The following ASRGL1 variants were observed in gnomAD, a reference collection of about 807,000 sequenced individuals.
The protein encoded by ASRGL1 is asparaginase and isoaspartyl peptidase 1.
Under a neutral mutation model 22.4 loss-of-function variants are expected in ASRGL1, and 16 were observed. The ratio of observed to expected loss-of-function variants is 0.71; its 90% CI spans 0.48 to 1.08. The LOEUF is 1.08. Ranked by LOEUF, ASRGL1 falls within the 50% of genes least tolerant of loss-of-function variation. ASRGL1 has a pLI of 0.00. For missense variants in ASRGL1, 412 were observed against 410.1 expected, an observed-to-expected ratio of 1.00 and a Z score of -0.04; for synonymous variants, 165 against 159.3, an observed-to-expected ratio of 1.04 and a Z score of -0.27.
chr11:62,384,359 G>T (rs902960856), intron 4 of ASRGL1, among the ~76,000 whole-genome samples: 4 of 152,022 alleles, frequency 2.6e-5, no homozygotes, highest in Non-Finnish European at 4.4e-5. Flanking sequence ...AGAAAAATTA[G>T]CTGGGTGTGG....
intron 4 of ASRGL1, chr11:62,381,721 C>G (rs1947072677): frequency 6.6e-6 from 1 of 152,066 alleles, no homozygotes; most frequent in South Asian, 2.1e-4. Flanking sequence ...CTCTAACTCC[C>G]CCCTTTTTAA....
Position 62,389,172 on chromosome 11 carries a change from A to G in ASRGL1, c.531A>G (p.Lys177=). 6.2e-7 allele frequency: 1 copy of G among 1,614,026 alleles called. No individual in the cohort carries two copies. The highest frequency in any genetic ancestry group is 8.5e-7 in the Non-Finnish European group (1 of 1,179,972). Reference sequence around the variant, plus strand: ...TGGGTGCTGTTGCCTTGGACTGCAAAGGGAATGTAGCCTACGCAACCTCCA... The same window carrying G: ...TGGGTGCTGTTGCCTTGGACTGCAAGGGGAATGTAGCCTACGCAACCTCCA... ...GTVGAVALDC[K]GNVAYATSTG... is the part of the protein sequence containing the mutation. Residue 177 remains lysine, a synonymous_variant, in exon 5 of 7, where the codon AAA becomes AAG. Coordinates refer to ENST00000415229, the MANE Select transcript of ASRGL1 (RefSeq NM_001083926.2).
At chr11:62,350,019 G>A (rs1946132660) in intron 2 of ASRGL1, among the ~76,000 whole-genome samples, 2 of 152,226 alleles carry the variant, frequency 1.3e-5, no homozygotes, top group East Asian at 1.9e-4. Flanking sequence ...TGTTTTATCA[G>A]CAAGGTCTTT....
chr11:62,367,198 C>T (rs1946632474), intron 4 of ASRGL1, among the ~76,000 whole-genome samples: 1 of 151,894 alleles, frequency 6.6e-6, no homozygotes, highest in African/African-American at 2.4e-5. Flanking sequence ...ATTAGCCGGG[C>T]ATGGTGGTAG....
chr11:62,368,157 A>G (rs1296943207), intron 4 of ASRGL1, among the ~76,000 whole-genome samples: 1 of 152,138 alleles, frequency 6.6e-6, no homozygotes, highest in Non-Finnish European at 1.5e-5. Flanking sequence ...TTACTACAGT[A>G]TATTGTTTTA....
rs148412584 is a variant in ASRGL1, at chr11:62,338,997, C to T, written c.190+830C>T. On this transcript the variant is annotated intron_variant, in intron 2 of 6. Transcript: ENST00000415229. ...GCATTAAGATAAGAGGTTGAGGAGA[C>T]CAAGATTTCCCTTAGGCAGAGGAAG... Among the ~76,000 whole-genome samples the T allele has an allele frequency of 6.0e-5, 9 of 149,974 alleles. No individual in the cohort carries two copies. The East Asian group carries it at 1.4e-3, about 23-fold the overall frequency.
chr11:62,341,030 T>A (rs952518419), intron 2 of ASRGL1, among the ~76,000 whole-genome samples: 12 of 152,194 alleles, frequency 7.9e-5, no homozygotes, highest in African/African-American at 2.9e-4. Context: ...CTGTAAAGAC[T>A]GAACTTTTAA....
At chr11:62,345,458 A>C (rs558929431) in intron 2 of ASRGL1, among the ~76,000 whole-genome samples, 1 of 152,076 alleles carries the variant, frequency 6.6e-6, no homozygotes, top group Non-Finnish European at 1.5e-5. Context: ...TAGGGGAGAC[A>C]AGGTTTCACC....
At chr11:62,366,943 G>T (rs183881713) in intron 4 of ASRGL1, among the ~76,000 whole-genome samples, 113 of 152,272 alleles carry the variant, frequency 7.4e-4, no homozygotes, top group East Asian at 7.3e-3. Flanking sequence ...GGTGCCTCAC[G>T]CCTGTAATCC....
At chr11:62,386,145 G>C (rs1041237442) in intron 4 of ASRGL1, among the ~76,000 whole-genome samples, 1 of 152,192 alleles carries the variant, frequency 6.6e-6, no homozygotes, top group Admixed American at 6.5e-5. Context: ...CTGGGCAACA[G>C]AGTGAGACTC....
chr11:62,351,392 G>A (rs1325098162), intron 2 of ASRGL1, among the ~76,000 whole-genome samples: 6 of 152,140 alleles, frequency 3.9e-5, no homozygotes, highest in Non-Finnish European at 7.3e-5. Flanking sequence ...GCTCAAGCAT[G>A]TAATCCCAGC....
intron 4 of ASRGL1, among the ~76,000 whole-genome samples, chr11:62,378,746 C>T (rs1398509000): frequency 3.3e-5 from 5 of 152,074 alleles, no homozygotes; most frequent in Non-Finnish European, 7.3e-5. Flanking sequence ...TCAATATGTC[C>T]CTTTTCTAAT....
At chr11:62,362,454 A>AAATATATATATATATTATAT (rs1340877607) in intron 4 of ASRGL1, among the ~76,000 whole-genome samples, 1 of 120,610 alleles carries the variant, frequency 8.3e-6, no homozygotes, top group South Asian at 2.4e-4. Flanking sequence ...AACTGTAACC[A>AAATATATATATATATTATAT]AAAATATATA....
intron 2 of ASRGL1, among the ~76,000 whole-genome samples, chr11:62,355,622 CTT>C (rs56828559): frequency 1.3e-4 from 17 of 131,902 alleles, no homozygotes; most frequent in Admixed American, 2.3e-4. Flanking sequence ...TTTCTAAATT[CTT>C]TTTTTTTTTT....
rs1001109898 is a variant in ASRGL1 at position 62,368,810 on chromosome 11, C to T, written c.491+11666C>T. On this transcript the variant is annotated intron_variant, in intron 4 of 6. Coordinates refer to ENST00000415229, the MANE Select transcript of ASRGL1 (RefSeq NM_001083926.2). ...AAAAGGTGCTGTGCCTTGATGTGCACGTATACAAACATCTTGGTGCATTAA... is the reference window on the plus strand; with the variant it reads ...AAAAGGTGCTGTGCCTTGATGTGCATGTATACAAACATCTTGGTGCATTAA... Among the ~76,000 whole-genome samples the T allele has an allele frequency of 1.6e-4, 24 of 152,206 alleles. 1 individual carries two copies. Among genetic ancestry groups the T allele is most frequent in the African/African-American group, 4.6e-4 (19 of 41,502 alleles).
At chr11:62,345,762 A>G (rs1043818076) in intron 2 of ASRGL1, among the ~76,000 whole-genome samples, 5 of 152,284 alleles carry the variant, frequency 3.3e-5, no homozygotes, top group Admixed American at 3.3e-4. Context: ...GTGGTCCCCA[A>G]CCTTTTTGGC....
At chr11:62,345,004 C>T (rs1022708766) in intron 2 of ASRGL1, among the ~76,000 whole-genome samples, 2 of 152,192 alleles carry the variant, frequency 1.3e-5, no homozygotes, top group Admixed American at 6.6e-5. Flanking sequence ...ATTTCACTTA[C>T]CATAATGACC....
intron 4 of ASRGL1, among the ~76,000 whole-genome samples, chr11:62,386,470 A>C: frequency 6.7e-6 from 1 of 149,110 alleles, no homozygotes; most frequent in Non-Finnish European, 1.5e-5. Context: ...CATACATATC[A>C]TAGATATGTA....
intron 4 of ASRGL1, among the ~76,000 whole-genome samples, chr11:62,385,960 G>A (rs1289123017): frequency 6.6e-6 from 1 of 152,030 alleles, no homozygotes; most frequent in African/African-American, 2.4e-5. Flanking sequence ...TCAGGAGTTC[G>A]AGACCAGCCT....
Sources: gnomAD v4.1 joint callset for allele counts (sites outside exome capture counted in the v4.1 genomes callset) on GRCh38, gnomAD v4.1.1 for gene constraint, MANE v1.5 for transcripts, NCBI Gene and HGNC (gene_info 2026-07-23, HGNC 2026-07-21) for gene names.